Variants in BEND2 observed in about 807,000 individuals in gnomAD.
BEND2 encodes BEN domain containing 2, also known as BEN domain-containing protein 2.
BEND2 carries 19 observed loss-of-function variants against 43.8 expected under a neutral mutation model. The observed-to-expected ratio is 0.43, with a 90% CI of 0.30 to 0.64. The LOEUF (loss-of-function observed/expected upper bound fraction) is 0.64, where lower values mean the gene tolerates loss of function less well. Ranked by LOEUF, BEND2 falls within the 30% of genes least tolerant of loss-of-function variation. BEND2 has a pLI of 0.11. For missense variants in BEND2, 544 were observed against 574.0 expected (o/e 0.95, Z 0.53); for synonymous variants, 226 against 210.1 (o/e 1.08, Z -0.66).
chrX:18,213,590 C>A (rs1353090462), intron 3 of BEND2, among the ~76,000 whole-genome samples, 184 bp downstream of exon 3: 1 of 111,278 alleles, frequency 9.0e-6, no homozygotes, highest in Non-Finnish European at 1.9e-5. Flanking sequence ...TAAATGCAGA[C>A]TAATGTTATA....
chrX:18,188,807 C>G (rs779721637), intron 8 of BEND2, among the ~76,000 whole-genome samples: 15 of 111,853 alleles, frequency 1.3e-4, no homozygotes, highest in African/African-American at 4.5e-4. Flanking sequence ...CAAAGCTAGA[C>G]AAAGACACAT....
At chrX:18,215,266 G>A (rs1028214842) in intron 2 of BEND2, among the ~76,000 whole-genome samples, 1 of 111,693 alleles carries the variant, frequency 9.0e-6, no homozygotes, top group Non-Finnish European at 1.9e-5. Context: ...CATACACTCT[G>A]TACCCATTAC....
At position 18,216,615 on chromosome X, in the gene BEND2, A is replaced by G. The variant is rs749243436; in HGVS notation, c.144T>C (p.Tyr48=). 2 of 1,208,735 alleles carry G rather than the reference A, an allele frequency of 1.7e-6. No homozygotes were observed. Among genetic ancestry groups the G allele is most frequent in the Admixed American group, 2.2e-5 (1 of 46,033 alleles). ...CATCAGTGGGATTATCTGCTGTGAC[A>G]TAAGTGGAATCATCTGCTATGTCAT... The part of the protein sequence containing the change: ...STNDIADDST[Y]VTADNPTDDT... Residue 48 remains tyrosine (Y), a synonymous_variant, in exon 2 of 14, where the codon TAT becomes TAC. Transcript: ENST00000380033.
At chrX:18,217,048 A>G (rs749447181) in intron 1 of BEND2, among the ~76,000 whole-genome samples, 5 of 112,797 alleles carry the variant, frequency 4.4e-5, no homozygotes, top group Non-Finnish European at 9.4e-5. Context: ...GTGTTCAATG[A>G]TATGCTTTTA....
At chrX:18,198,554 A>G (rs1246114892) in intron 6 of BEND2, among the ~76,000 whole-genome samples, 2 of 111,620 alleles carry the variant, frequency 1.8e-5, no homozygotes, top group Non-Finnish European at 3.8e-5. Context: ...TCAGGAAACA[A>G]CAGGTGCTGG....
rs763250466 is a variant in BEND2 at position 18,175,922 on chromosome X, C to G, written c.1752+50G>C. 13 of 1,098,335 alleles carry G rather than the reference C, an allele frequency of 1.2e-5. No homozygotes were observed. The African/African-American group carries it at 2.4e-4, about 21-fold the overall frequency. The allele number at this position is 1,098,335 out of a possible 1,213,427, so 90.5% of individuals were successfully genotyped here. ...ATGCTATCAGTTCTGAAACTGTACA[C>G]AGTACAAACTCAGGTAACAGTTACC... is the stretch of plus-strand genomic sequence containing the variant. On this transcript the variant is annotated intron_variant, in intron 11 of 13. Coordinates refer to ENST00000380033, the MANE Select transcript of BEND2 (RefSeq NM_153346.5).
intron 7 of BEND2, among the ~76,000 whole-genome samples, chrX:18,191,753 T>C (rs1477855697): frequency 9.0e-6 from 1 of 111,698 alleles, no homozygotes; most frequent in Admixed American, 9.6e-5. Flanking sequence ...CCTAAACATA[T>C]GATAAAAATT....
At chrX:18,189,704 G>T (rs1924692733) in intron 8 of BEND2, among the ~76,000 whole-genome samples, 1 of 111,808 alleles carries the variant, frequency 8.9e-6, no homozygotes, top group South Asian at 3.7e-4. Flanking sequence ...ATATTTCAAA[G>T]AGGATATGCA....
At chrX:18,177,200 A>G (rs893592928) in intron 10 of BEND2, among the ~76,000 whole-genome samples, 1 of 104,788 alleles carries the variant, frequency 9.5e-6, no homozygotes, top group African/African-American at 3.4e-5. Context: ...TAGCACTGAC[A>G]AGTCTTTTAT....
chrX:18,218,574 T>C (rs1302556050), intron 1 of BEND2, among the ~76,000 whole-genome samples: 1 of 112,758 alleles, frequency 8.9e-6, no homozygotes, highest in Non-Finnish European at 1.9e-5. Flanking sequence ...AGAAATTGTT[T>C]GAAGATGGCC....
chrX:18,200,787 T>A, intron 6 of BEND2, among the ~76,000 whole-genome samples: 1 of 111,757 alleles, frequency 8.9e-6, no homozygotes. Flanking sequence ...ATTGCAGTGA[T>A]AGAAACGTTC....
chrX:18,165,435 A>G (rs182419596), intron 13 of BEND2, among the ~76,000 whole-genome samples: 1 of 112,233 alleles, frequency 8.9e-6, no homozygotes, highest in Admixed American at 9.5e-5. Flanking sequence ...TTAAATCACA[A>G]TAAAGCAACA....
intron 8 of BEND2, among the ~76,000 whole-genome samples, chrX:18,181,905 C>T (rs889126351): frequency 3.9e-4 from 44 of 111,555 alleles, no homozygotes; most frequent in Admixed American, 1.3e-3. Context: ...TCAATAATTA[C>T]GTTAAATGTA....
rs137976378 is a variant in BEND2, at chrX:18,203,911, T to C, written c.497A>G (p.Gln166Arg). 8.4e-7 allele frequency: 1 copy of C among 1,189,351 alleles called. No individual in the cohort carries two copies. Among genetic ancestry groups the C allele is most frequent in the Non-Finnish European group, 1.1e-6 (1 of 879,626 alleles). Reference sequence around the variant, plus strand: ...TTCCGCTGGTGGTGATATGCTAGACTGTACCTATCCAGGGTAAGAGAACAG... The same window carrying C: ...TTCCGCTGGTGGTGATATGCTAGACCGTACCTATCCAGGGTAAGAGAACAG... ...KRGRFYTPEV[Q>R]SSISPPAERQ... The change falls in exon 5 of 14, where the codon CAG becomes CGG. Residue 166 changes from glutamine to arginine, a missense_variant. By Grantham distance (43) the Gln-to-Arg change is conservative. This residue lies in a region of BEND2 where 501 missense variants were observed against 501.6 expected (regional missense o/e 1.00). Transcript: ENST00000380033.
At position 18,177,713 on chromosome X, in the gene BEND2, C is replaced by A; in HGVS notation, c.1486G>T (p.Val496Leu). Residue 496 changes from valine to leucine, a missense_variant, in exon 10 of 14, where the codon GTA becomes TTA. Transcript: ENST00000380033. ...TGCTTAGGTTTGGCCATATTTTGTA[C>A]GGCCAGCAAATGGATTTTAAGTACT... ...VRVLKIHLLA[V>L]QNMAKPKQAA... 8.3e-7 allele frequency: 1 copy of A among 1,210,346 alleles called. No homozygotes were observed. Among genetic ancestry groups the A allele is most frequent in the Non-Finnish European group, 1.1e-6 (1 of 894,625 alleles).
At position 18,213,797 on chromosome X, in the gene BEND2, T is replaced by C. The variant is rs750711597; in HGVS notation, c.353A>G (p.Asp118Gly). 1 of 166,992 alleles carries C rather than the reference T, an allele frequency of 6.0e-6. No homozygotes were observed. The highest frequency in any genetic ancestry group is 9.2e-5 in the South Asian group (1 of 10,868). The allele number at this position is 166,992 out of a possible 1,213,427, so 13.8% of individuals were successfully genotyped here. A position where few individuals can be genotyped will look rare whatever the true frequency, so the allele number is the denominator to read the frequency against. Residue 118 changes from aspartate (D) to glycine (G), a missense_variant, in exon 3 of 14, where the codon GAC (aspartate) becomes GGC (glycine). Around this residue, in one of 2 missense-constraint regions of BEND2, gnomAD observed 501 missense variants for 501.6 expected, o/e 1.00. Transcript: ENST00000380033. ...ACCTGGGCATGGTGGCGTGCGCCTG[T>C]CATCCCAGCTACTGGGAAGGCTGAG... ...FHLSLPSSWD[D>G]RRTPPCPVAH...
intron 1 of BEND2, among the ~76,000 whole-genome samples, chrX:18,217,831 A>T (rs1157613553): frequency 9.0e-6 from 1 of 111,339 alleles, no homozygotes; most frequent in Non-Finnish European, 1.9e-5. Flanking sequence ...CTGTAATCCC[A>T]GAACTTTGGG....
chrX:18,206,915 T>G (rs1376246276), intron 4 of BEND2, among the ~76,000 whole-genome samples: 2 of 111,639 alleles, frequency 1.8e-5, no homozygotes, highest in Non-Finnish European at 3.8e-5. Context: ...GCCACCCCTG[T>G]GATCTAGAAC....
intron 13 of BEND2, among the ~76,000 whole-genome samples, chrX:18,169,231 A>T (rs1923902158): frequency 8.9e-6 from 1 of 111,782 alleles, no homozygotes; most frequent in African/African-American, 3.2e-5. Flanking sequence ...AGGTAGCAAA[A>T]GTATAAAACA....
Sources: allele counts gnomAD v4.1 joint callset (sites outside exome capture counted in the v4.1 genomes callset), GRCh38; gene constraint gnomAD v4.1.1; regional missense constraint gnomAD v4.1.1; transcripts MANE v1.5; gene names NCBI Gene and HGNC (gene_info 2026-07-23, HGNC 2026-07-21).